Variants in PASD1 observed in about 807,000 individuals in gnomAD.
PASD1 encodes the protein PAS domain containing repressor 1.
A neutral mutation model predicts 58.8 loss-of-function variants in PASD1; 13 were observed. The observed-to-expected ratio is 0.22, with a 90% CI of 0.14 to 0.35. The LOEUF (loss-of-function observed/expected upper bound fraction) is 0.35. Ranked by LOEUF, PASD1 falls within the 10% of genes least tolerant of loss-of-function variation. The pLI, the probability that PASD1 is intolerant of heterozygous loss-of-function variation, is 1.00. For missense variants in PASD1, 734 were observed against 568.3 expected, an observed-to-expected ratio of 1.29 and a Z score of -2.96; for synonymous variants, 236 against 216.7, an observed-to-expected ratio of 1.09 and a Z score of -0.78.
chrX:151,657,460 T>C lies in PASD1; in HGVS notation c.718-2253T>C, dbSNP rs750632922. 6.3e-5 allele frequency among the ~76,000 whole-genome samples: 7 copies of C among 111,776 alleles called. No homozygotes were observed. The South Asian group carries it at 2.6e-3, about 42-fold the overall frequency. On this transcript the variant is annotated intron_variant, in intron 9 of 15. Coordinates refer to ENST00000370357, the MANE Select transcript of PASD1 (RefSeq NM_173493.3). Reference sequence around the variant, plus strand: ...TACCAGCTCCTCCTTGTACCTCTGGTAGAATTCGACTGTGAGTCCGTCTGG... The same window carrying C: ...TACCAGCTCCTCCTTGTACCTCTGGCAGAATTCGACTGTGAGTCCGTCTGG...
chrX:151,650,171 T>G (rs5970084), intron 9 of PASD1, among the ~76,000 whole-genome samples: 3,043 of 111,383 alleles, frequency 0.027, 95 homozygotes, highest in African/African-American at 0.093. Flanking sequence ...CATATAGCTC[T>G]AGCCATCAGT....
rs2013698943 is a variant in PASD1, at chrX:151,620,953, A to G, written c.231A>G (p.Leu77=). ...HLPAEIVGKK[L]LSLLPDEEKD... is the part of the protein sequence containing the mutation. Reference sequence around the variant, plus strand: ...AGGCTGAGATTGTGGGCAAAAAATTATTAAGCCTTCTGCCTGATGAAGAGA... The same window carrying G: ...AGGCTGAGATTGTGGGCAAAAAATTGTTAAGCCTTCTGCCTGATGAAGAGA... The change falls in exon 5 of 16, where the codon TTA becomes TTG. Residue 77 remains leucine (L), a synonymous_variant. Transcript: ENST00000370357. 8.3e-7 allele frequency: 1 copy of G among 1,205,781 alleles called. No homozygotes were observed. The highest frequency in any genetic ancestry group is 2.2e-5 in the Admixed American group (1 of 45,343).
intron 1 of PASD1, among the ~76,000 whole-genome samples, chrX:151,595,403 A>T (rs1238212214): frequency 1.8e-5 from 2 of 110,657 alleles, no homozygotes; most frequent in Non-Finnish European, 3.8e-5. Context: ...GGTAGTTTTG[A>T]TCTTTGACTG....
At chrX:151,584,765 G>A (rs1017654844) in intron 1 of PASD1, among the ~76,000 whole-genome samples, 4 of 111,745 alleles carry the variant, frequency 3.6e-5, no homozygotes, top group African/African-American at 9.8e-5. Context: ...TAAATATGCT[G>A]GATTTCTCTG....
rs763408373 is a variant in PASD1, at chrX:151,671,756, G to A, written c.1414G>A (p.Glu472Lys). 1.5e-5 allele frequency: 18 copies of A among 1,208,325 alleles called. No homozygotes were observed. Among genetic ancestry groups the A allele is most frequent in the Admixed American group, 8.7e-5 (4 of 46,080 alleles). ...TCTCAAAAACACTGGGGAGCTTCAG[G>A]AGCCTTGTGTTGCCTTCAACCAGGT... The part of the protein sequence containing the change: ...NSLKNTGELQ[E>K]PCVAFNQQQL... The change falls in exon 13 of 16, where the codon GAG (glutamate) becomes AAG (lysine). Residue 472 changes from glutamate (E) to lysine (K), a missense_variant. Coordinates refer to ENST00000370357, the MANE Select transcript of PASD1 (RefSeq NM_173493.3).
chrX:151,675,974 C>T (rs2014538105), intron 15 of PASD1, 23 bp from the exon 16 acceptor site: 1 of 1,208,276 alleles, frequency 8.3e-7, no homozygotes. Flanking sequence ...AACATTCCAC[C>T]TTGTTTCACT....
intron 1 of PASD1, among the ~76,000 whole-genome samples, chrX:151,582,892 TGA>T (rs1393370227): frequency 2.7e-5 from 3 of 112,005 alleles, no homozygotes; most frequent in Non-Finnish European, 5.6e-5. Context: ...TGATTTTTTG[TGA>T]GTTTCAAGAG....
intron 8 of PASD1, among the ~76,000 whole-genome samples, chrX:151,636,693 C>T (rs773620656): frequency 2.6e-4 from 29 of 111,999 alleles, no homozygotes; most frequent in Non-Finnish European, 3.9e-4. Flanking sequence ...CATGAGCCAC[C>T]GTGCCCAGCC....
chrX:151,666,451 G>A (rs952350240), intron 11 of PASD1, among the ~76,000 whole-genome samples: 2 of 107,096 alleles, frequency 1.9e-5, no homozygotes, highest in Admixed American at 1.0e-4. Flanking sequence ...TGTTTCATAC[G>A]TATACATGTA....
chrX:151,662,878 AT>A (rs780823161), intron 10 of PASD1, among the ~76,000 whole-genome samples: 42 of 111,387 alleles, frequency 3.8e-4, no homozygotes, highest in Middle Eastern at 4.7e-3. Context: ...TTGTGTGTGC[AT>A]TTTTTTTGTC....
intron 8 of PASD1, among the ~76,000 whole-genome samples, chrX:151,639,712 TCTC>T (rs750845478): frequency 9.0e-6 from 1 of 111,612 alleles, no homozygotes; most frequent in East Asian, 2.8e-4. Flanking sequence ...ACTTAGCTCT[TCTC>T]CTAGAAAATC....
intron 1 of PASD1, among the ~76,000 whole-genome samples, chrX:151,564,798 G>C (rs1437231014): frequency 9.0e-6 from 1 of 110,605 alleles, no homozygotes; most frequent in Admixed American, 9.6e-5. Context: ...TTGAGCCTGG[G>C]AGTTCGAGGT....
intron 2 of PASD1, among the ~76,000 whole-genome samples, chrX:151,603,067 C>T (rs972329439): frequency 2.7e-5 from 3 of 112,441 alleles, no homozygotes; most frequent in East Asian, 5.6e-4. Flanking sequence ...AATTATTGTA[C>T]TTGCAGATAC....
intron 1 of PASD1, among the ~76,000 whole-genome samples, chrX:151,591,902 ACTCT>A (rs754453023): frequency 1.8e-5 from 2 of 110,174 alleles, no homozygotes; most frequent in African/African-American, 6.6e-5. Context: ...ACACACACAT[ACTCT>A]CTCTCTCTCT....
Position 151,672,248 on chromosome X carries a change from A to G in PASD1, c.1503A>G (p.Gln501=), listed in dbSNP as rs753586712. The G allele has an allele frequency of 3.3e-5, 38 of 1,164,609 alleles. No homozygotes were observed. The highest frequency in any genetic ancestry group is 2.0e-4 in the East Asian group (6 of 30,722). ...AGCGGCAGCTGCGGGAGCAGCTGCA[A>G]CAGCTGAGAGAGCAAAGGAAGGTGC... The part of the protein sequence containing the change: ...EQQRQLREQL[Q]QLREQRKVQK... The change falls in exon 14 of 16, where the codon CAA becomes CAG. Residue 501 remains glutamine, a synonymous_variant. Transcript: ENST00000370357.
chrX:151,594,982 A>G (rs1346877706), intron 1 of PASD1, among the ~76,000 whole-genome samples: 2 of 111,444 alleles, frequency 1.8e-5, no homozygotes, highest in Non-Finnish European at 3.8e-5. Flanking sequence ...TTTTGGTTTG[A>G]GTTGTTCTGA....
rs1352527383 is a variant in PASD1 at position 151,674,203 on chromosome X, T to A, written c.2175+17T>A. On this transcript the variant is annotated intron_variant, in intron 15 of 15. Coordinates refer to ENST00000370357, the MANE Select transcript of PASD1 (RefSeq NM_173493.3). The stretch of plus-strand genomic sequence containing the variant: ...TACCATCAGGTATGGGACAGCCCCC[T>A]CCTTTTCCTTCCAGCGCAGGTCAAG... 2 of 1,207,840 alleles carry A rather than the reference T, an allele frequency of 1.7e-6. No homozygotes were observed. The highest frequency in any genetic ancestry group is 4.4e-5 in the Admixed American group (2 of 45,758).
chrX:151,630,363 A>G (rs187354025), intron 8 of PASD1, among the ~76,000 whole-genome samples: 6 of 112,072 alleles, frequency 5.4e-5, no homozygotes, highest in Non-Finnish European at 9.4e-5. Flanking sequence ...GAACCTGACA[A>G]TGAGTAGGCA....
intron 1 of PASD1, among the ~76,000 whole-genome samples, chrX:151,575,554 T>G (rs2012991233): frequency 8.9e-6 from 1 of 112,305 alleles, no homozygotes; most frequent in African/African-American, 3.2e-5. Flanking sequence ...CCTTTTTATA[T>G]TTTACTATGT....
Sources: gnomAD v4.1 joint callset for allele counts (sites outside exome capture counted in the v4.1 genomes callset) on GRCh38, gnomAD v4.1.1 for gene constraint, MANE v1.5 for transcripts, NCBI Gene and HGNC (gene_info 2026-07-23, HGNC 2026-07-21) for gene names.